The following MACROD2 variants were observed in gnomAD, a reference collection of about 807,000 sequenced individuals.
MACROD2 encodes the protein mono-ADP ribosylhydrolase 2, also known as ADP-ribose glycohydrolase MACROD2.
A neutral mutation model predicts 70.4 loss-of-function variants in MACROD2; 36 were observed. The ratio of observed to expected loss-of-function variants is 0.51; its 90% CI spans 0.39 to 0.68. MACROD2 has a LOEUF of 0.68. Ranked by LOEUF, MACROD2 falls within the 30% of genes least tolerant of loss-of-function variation. The pLI is 0.00. For missense variants in MACROD2, 496 were observed against 538.4 expected (o/e 0.92, Z 0.78); for synonymous variants, 172 against 178.8 (o/e 0.96, Z 0.30).
intron 5 of MACROD2, chr20:14,935,256 G>C (rs1235719998): frequency 6.6e-6 from 1 of 152,080 alleles, no homozygotes; most frequent in Admixed American, 6.5e-5. Flanking sequence ...GATTCTAAAT[G>C]TATCTTGTCT....
In MACROD2 at chr20:15,332,216, A is replaced by AT. The variant is rs2078000493; in HGVS notation, c.541-99188dup. Among the ~76,000 whole-genome samples, 4 of 151,674 alleles carry AT rather than the reference A, an allele frequency of 2.6e-5. 1 individual carries two copies. Among genetic ancestry groups the AT allele is most frequent in the Admixed American group, 1.3e-4 (2 of 15,238 alleles). On this transcript the variant is annotated intron_variant, in intron 6 of 17. Transcript: ENST00000684519. ...ATTCTTTTAATGCAAAATGCAAAAAATGCATTTGCTGCTAAAGTAATGTAT... is the reference window on the plus strand; with the variant it reads ...ATTCTTTTAATGCAAAATGCAAAAAATTGCATTTGCTGCTAAAGTAATGTAT...
intron 4 of MACROD2, among the ~76,000 whole-genome samples, chr20:14,583,575 T>C (rs1568683537): frequency 2.0e-5 from 3 of 152,198 alleles, no homozygotes; most frequent in Non-Finnish European, 4.4e-5. Context: ...TGCCTCAGGC[T>C]CTGATTTCAG....
chr20:13,997,615 C>G (rs1189047091), intron 1 of MACROD2, among the ~76,000 whole-genome samples: 4 of 152,076 alleles, frequency 2.6e-5, no homozygotes, highest in Non-Finnish European at 4.4e-5. Flanking sequence ...ATTTTAGAAT[C>G]TTTTTTAATG....
At chr20:15,337,561 G>A (rs779585186) in intron 6 of MACROD2, among the ~76,000 whole-genome samples, 4 of 151,676 alleles carry the variant, frequency 2.6e-5, no homozygotes, top group Non-Finnish European at 5.9e-5. Flanking sequence ...ATTGTAGAAT[G>A]GGTTAATCAA....
intron 15 of MACROD2, among the ~76,000 whole-genome samples, chr20:16,036,264 A>G (rs1325000616): frequency 1.9e-5 from 2 of 105,270 alleles, no homozygotes; most frequent in Non-Finnish European, 4.4e-5. Flanking sequence ...ATCTCAAAAG[A>G]AAAGCTTGGA....
intron 4 of MACROD2, among the ~76,000 whole-genome samples, chr20:14,672,314 G>T (rs1171125149): frequency 6.6e-6 from 1 of 152,168 alleles, no homozygotes; most frequent in Non-Finnish European, 1.5e-5. Context: ...AGCTGATCTG[G>T]ACTAGTTCAC....
chr20:14,995,263 AGAGAGATGG>A (rs1339345287), intron 5 of MACROD2, among the ~76,000 whole-genome samples: 2 of 152,280 alleles, frequency 1.3e-5, no homozygotes, highest in African/African-American at 4.8e-5. Context: ...TAAAACTTGT[AGAGAGATGG>A]GATTAGTTAC....
intron 8 of MACROD2, among the ~76,000 whole-genome samples, chr20:15,535,144 T>A (rs1160325719): frequency 1.3e-5 from 2 of 152,014 alleles, no homozygotes; most frequent in African/African-American, 4.8e-5. Flanking sequence ...CTCAGCTAAT[T>A]TTTTAAAATT....
At chr20:14,659,797 A>G (rs1009301684) in intron 4 of MACROD2, among the ~76,000 whole-genome samples, 2 of 152,192 alleles carry the variant, frequency 1.3e-5, no homozygotes, top group African/African-American at 4.8e-5. Context: ...AAAATTATAT[A>G]TAAAATATAT....
At chr20:15,951,970 G>A (rs548686882) in intron 12 of MACROD2, among the ~76,000 whole-genome samples, 3 of 152,132 alleles carry the variant, frequency 2.0e-5, no homozygotes, top group African/African-American at 2.4e-5. Context: ...ATTACCACAT[G>A]TAGTGGGAGG....
intron 3 of MACROD2, among the ~76,000 whole-genome samples, chr20:14,130,094 A>T (rs1447925214): frequency 6.6e-6 from 1 of 152,232 alleles, no homozygotes; most frequent in African/African-American, 2.4e-5. Flanking sequence ...CAAGAATCTT[A>T]CCATGGGGAC....
At chr20:14,095,164 C>T (rs982489750) in intron 3 of MACROD2, among the ~76,000 whole-genome samples, 3 of 152,096 alleles carry the variant, frequency 2.0e-5, no homozygotes, top group African/African-American at 7.2e-5. Flanking sequence ...AGCACATAAT[C>T]TAATATCAGT....
At chr20:16,020,499 C>G (rs1480934861) in intron 15 of MACROD2, among the ~76,000 whole-genome samples, 1 of 151,452 alleles carries the variant, frequency 6.6e-6, no homozygotes, top group Non-Finnish European at 1.5e-5. Flanking sequence ...GGAAGGAAGA[C>G]TGTTTCTTAT....
chr20:15,594,859 A>T (rs1278392391), intron 8 of MACROD2, among the ~76,000 whole-genome samples: 2 of 152,220 alleles, frequency 1.3e-5, no homozygotes, highest in Non-Finnish European at 2.9e-5. Flanking sequence ...ACCTCTACAG[A>T]TGATAACAGG....
chr20:14,276,781 T>C (rs2082262086), intron 3 of MACROD2, among the ~76,000 whole-genome samples: 1 of 152,196 alleles, frequency 6.6e-6, no homozygotes, highest in Admixed American at 6.5e-5. Context: ...TATTTTCTGA[T>C]ATCTGACATC....
At chr20:15,054,715 A>G (rs368599150) in intron 5 of MACROD2, among the ~76,000 whole-genome samples, 3 of 152,262 alleles carry the variant, frequency 2.0e-5, no homozygotes. Flanking sequence ...GTAGTACAAA[A>G]TGTCATTTAC....
chr20:14,914,390 G>C (rs2074065367), intron 5 of MACROD2, among the ~76,000 whole-genome samples: 1 of 152,146 alleles, frequency 6.6e-6, no homozygotes, highest in South Asian at 2.1e-4. Context: ...AACAATGTTT[G>C]CAAAATCCCA....
intron 4 of MACROD2, among the ~76,000 whole-genome samples, chr20:14,591,993 T>C (rs1331128235): frequency 6.6e-6 from 1 of 152,114 alleles, no homozygotes; most frequent in Admixed American, 6.6e-5. Context: ...AGGAAATCAT[T>C]GGGCAGAGAG....
At chr20:15,458,632 TTTTTTTTA>T (rs748588689) in intron 7 of MACROD2, among the ~76,000 whole-genome samples, 3,926 of 148,822 alleles carry the variant, frequency 0.026, 171 homozygotes, top group African/African-American at 0.091. Context: ...TTTTTGTTTT[TTTTTTTTA>T]AAAAAAAAAA....
Sources: allele counts gnomAD v4.1 joint callset (sites outside exome capture counted in the v4.1 genomes callset), GRCh38; gene constraint gnomAD v4.1.1; transcripts MANE v1.5; gene names NCBI Gene and HGNC (gene_info 2026-07-23, HGNC 2026-07-21).